The following RPAP1 variants were observed in gnomAD, a reference collection of about 807,000 sequenced individuals.
RPAP1 encodes the protein RNA polymerase II-associated protein 1.
In RPAP1, 109 loss-of-function variants were observed where a neutral mutation model predicts 142.4. The ratio of observed to expected loss-of-function variants is 0.77; its 90% CI spans 0.66 to 0.90. The LOEUF is 0.90. RPAP1 is among the 40% of genes least tolerant of loss of function. RPAP1 has a pLI of 0.00. For missense variants in RPAP1, 1,546 were observed against 1,751.7 expected (o/e 0.88, Z 2.10); for synonymous variants, 704 against 738.9 (o/e 0.95, Z 0.77).
In RPAP1 at chr15:41,517,466, T is replaced by A; in HGVS notation, c.*76A>T. 11 of 1,348,416 alleles carry A rather than the reference T, an allele frequency of 8.2e-6. No homozygotes were observed. Among genetic ancestry groups the A allele is most frequent in the Non-Finnish European group, 1.0e-5 (10 of 990,052 alleles). 83.5% of individuals were successfully genotyped at this position (1,348,416 alleles called of 1,614,324 possible). A position where few individuals can be genotyped will look rare whatever the true frequency, so the allele number is the denominator to read the frequency against. ...CCTGCCTACCATTAGGACACAATGT[T>A]CTTCGTCTGGCCAGACATCTGTTGA... On this transcript the variant is annotated 3_prime_UTR_variant, in exon 25 of 25. Transcript: ENST00000304330.
chr15:41,536,062 G>T, intron 4 of RPAP1, 67 bp downstream of exon 4: 1 of 1,177,568 alleles, frequency 8.5e-7, no homozygotes, highest in Admixed American at 1.9e-5. Flanking sequence ...CTACCTGCCT[G>T]GAGAAGATGC....
intron 21 of RPAP1, 65 bp downstream of exon 21, chr15:41,521,673 T>C: frequency 6.4e-7 from 1 of 1,568,948 alleles, no homozygotes; most frequent in South Asian, 1.2e-5. Context: ...AATTCAGGGC[T>C]GCTCTGTTAA....
At chr15:41,521,605 G>A in intron 21 of RPAP1, 133 bp downstream of exon 21, 1 of 986,442 alleles carries the variant, frequency 1.0e-6, no homozygotes, top group South Asian at 1.7e-5. Flanking sequence ...GGTAATGGAA[G>A]CTCGGAAGAG....
chr15:41,531,517 T>C (rs1250450980), intron 6 of RPAP1, among the ~76,000 whole-genome samples: 1 of 150,132 alleles, frequency 6.7e-6, no homozygotes, highest in Non-Finnish European at 1.5e-5. Context: ...GTAGAATGAA[T>C]AAGTTAATGT....
At position 41,521,844 on chromosome 15, in the gene RPAP1, G is replaced by A. The variant is rs749799284; in HGVS notation, c.2932C>T (p.Leu978Phe). 3.1e-6 allele frequency: 5 copies of A among 1,614,028 alleles called. No individual in the cohort carries two copies. Among genetic ancestry groups the A allele is most frequent in the South Asian group, 1.1e-5 (1 of 91,084 alleles). The change falls in exon 21 of 25, where the codon CTC (leucine) becomes TTC (phenylalanine). Residue 978 changes from leucine to phenylalanine, a missense_variant. Around this residue, in one of 3 missense-constraint regions of RPAP1, gnomAD observed 1,333 missense variants for 1,486.6 expected, o/e 0.90. Transcript: ENST00000304330. ...LQPLPATHAA[L>F]YHGMALALLS... Reference sequence around the variant, plus strand: ...AGGGCCAAGGCCATACCATGATAGAGGGCAGCATGGGTGGCTGGCAGTGGC... The same window carrying A: ...AGGGCCAAGGCCATACCATGATAGAAGGCAGCATGGGTGGCTGGCAGTGGC...
In RPAP1 at chr15:41,523,256, C is replaced by G. The variant is rs768425024; in HGVS notation, c.2535G>C (p.Trp845Cys). The change falls in exon 18 of 25, where the codon TGG (tryptophan) becomes TGC (cysteine). Residue 845 changes from tryptophan to cysteine, a missense_variant. By Grantham distance (215) the Trp-to-Cys change is radical. This residue lies in a region of RPAP1 where 1,333 missense variants were observed against 1,486.6 expected (regional missense o/e 0.90). Coordinates refer to ENST00000304330, the MANE Select transcript of RPAP1 (RefSeq NM_015540.4). ...AACACAGTACATACCTAAGGGAATCCCACAGGCTGCCCAGTGTGGGCTGAC... is the reference window on the plus strand; with the variant it reads ...AACACAGTACATACCTAAGGGAATCGCACAGGCTGCCCAGTGTGGGCTGAC... ...LLSQPTLGSL[W>C]DSLRHCSLLC... 1 of 1,600,892 alleles carries G rather than the reference C, an allele frequency of 6.2e-7. No homozygotes were observed. Among genetic ancestry groups the G allele is most frequent in the Non-Finnish European group, 8.5e-7 (1 of 1,173,640 alleles).
chr15:41,531,947 C>T (rs1469164094), intron 6 of RPAP1, among the ~76,000 whole-genome samples: 1 of 151,960 alleles, frequency 6.6e-6, no homozygotes, highest in African/African-American at 2.4e-5. Context: ...CCTCAAACTC[C>T]TGGGCTCAAG....
intron 15 of RPAP1, 106 bp downstream of exon 15, chr15:41,524,885 T>A: frequency 8.3e-7 from 1 of 1,199,124 alleles, no homozygotes; most frequent in South Asian, 1.4e-5. Context: ...CTCATTCTTA[T>A]CCTTCCTCCA....
chr15:41,538,997 G>T (rs966830073), intron 1 of RPAP1, among the ~76,000 whole-genome samples: 1 of 152,236 alleles, frequency 6.6e-6, no homozygotes, highest in African/African-American at 2.4e-5. Context: ...GTAGTTGCCA[G>T]GGGCTAGGAG....
intron 22 of RPAP1, among the ~76,000 whole-genome samples, chr15:41,519,070 T>C (rs1225407719): frequency 1.3e-5 from 2 of 152,128 alleles, no homozygotes; most frequent in African/African-American, 4.8e-5. Context: ...CCAATAATTT[T>C]TTGTAGAGAT....
chr15:41,521,978 TC>T, intron 20 of RPAP1, 98 bp from the exon 21 acceptor site: 1 of 1,558,536 alleles, frequency 6.4e-7, no homozygotes, highest in Non-Finnish European at 8.8e-7. Context: ...AGGGCAGAGG[TC>T]CAGGGCATGT....
At chr15:41,533,128 G>A (rs560925025) in intron 6 of RPAP1, among the ~76,000 whole-genome samples, 2 of 151,798 alleles carry the variant, frequency 1.3e-5, no homozygotes, top group African/African-American at 4.8e-5. Context: ...AAGTAAAATA[G>A]GGTTAATACC....
At chr15:41,531,322 G>A (rs1238792822) in intron 6 of RPAP1, 120 bp from the exon 7 acceptor site, 5 of 1,008,446 alleles carry the variant, frequency 5.0e-6, no homozygotes, top group Admixed American at 2.3e-5. Flanking sequence ...AGCTGCTTCC[G>A]AGCCTGGGCC....
At chr15:41,531,337 C>G (rs973889798) in intron 6 of RPAP1, 135 bp from the exon 7 acceptor site, 6 of 852,846 alleles carry the variant, frequency 7.0e-6, no homozygotes, top group Non-Finnish European at 5.3e-6. Flanking sequence ...TGGGCCTGAG[C>G]CTTCTGGGTG....
chr15:41,528,599 C>G (rs1238503428), intron 9 of RPAP1, among the ~76,000 whole-genome samples: 6 of 152,048 alleles, frequency 3.9e-5, no homozygotes, highest in Non-Finnish European at 7.4e-5. Context: ...AAATTGGTCT[C>G]AGTGGATGGG....
At chr15:41,535,855 G>A (rs2140785230) in intron 4 of RPAP1, among the ~76,000 whole-genome samples, 1 of 152,298 alleles carries the variant, frequency 6.6e-6, no homozygotes, top group East Asian at 1.9e-4. Context: ...TATTAGATGT[G>A]TGGTGTTGGA....
At chr15:41,541,077 G>A (rs2051967767) in intron 1 of RPAP1, among the ~76,000 whole-genome samples, 1 of 144,590 alleles carries the variant, frequency 6.9e-6, no homozygotes, top group African/African-American at 2.4e-5. Flanking sequence ...ACCAGACCTT[G>A]AAGGATAAGA....
At chr15:41,540,367 T>C (rs1312606524) in intron 1 of RPAP1, among the ~76,000 whole-genome samples, 2 of 151,396 alleles carry the variant, frequency 1.3e-5, no homozygotes, top group Middle Eastern at 3.4e-3. Context: ...AATGGCACGA[T>C]CTCGGCTCAC....
intron 23 of RPAP1, 42 bp downstream of exon 23, chr15:41,517,964 G>T: frequency 2.5e-6 from 4 of 1,612,836 alleles, no homozygotes; most frequent in Non-Finnish European, 2.5e-6. Flanking sequence ...CAGCTCAATT[G>T]CTAGCTCCCT....
Sources: allele counts gnomAD v4.1 joint callset (sites outside exome capture counted in the v4.1 genomes callset), GRCh38; gene constraint gnomAD v4.1.1; regional missense constraint gnomAD v4.1.1; transcripts MANE v1.5; gene names NCBI Gene and HGNC (gene_info 2026-07-23, HGNC 2026-07-21).